Variants in MAGI3 observed in about 807,000 individuals in gnomAD.
MAGI3 encodes membrane associated guanylate kinase, WW and PDZ domain containing 3.
In MAGI3, 43 loss-of-function variants were observed where a neutral mutation model predicts 121.8. The observed-to-expected ratio is 0.35, with a 90% CI of 0.28 to 0.46. MAGI3 has a LOEUF of 0.46. Ranked by LOEUF, MAGI3 falls within the 20% of genes least tolerant of loss-of-function variation. The pLI, the probability that MAGI3 is intolerant of heterozygous loss-of-function variation, is 1.00. For missense variants in MAGI3, 1,547 were observed against 1,797.3 expected, an observed-to-expected ratio of 0.86 and a Z score of 2.52; for synonymous variants, 553 against 639.3, an observed-to-expected ratio of 0.86 and a Z score of 2.04.
intron 1 of MAGI3, among the ~76,000 whole-genome samples, chr1:113,424,815 A>G (rs1394725455): frequency 6.6e-6 from 1 of 152,022 alleles, no homozygotes; most frequent in African/African-American, 2.4e-5. Context: ...CTCTTTTTCT[A>G]TTTTCTAGAA....
intron 11 of MAGI3, among the ~76,000 whole-genome samples, chr1:113,644,938 A>G (rs1236876834): frequency 1.3e-5 from 2 of 152,108 alleles, no homozygotes; most frequent in Non-Finnish European, 2.9e-5. Flanking sequence ...ATATTAAATG[A>G]ATTAGTTCTT....
At chr1:113,634,488 G>C (rs1651874285) in intron 9 of MAGI3, among the ~76,000 whole-genome samples, 1 of 152,156 alleles carries the variant, frequency 6.6e-6, no homozygotes, top group East Asian at 1.9e-4. Flanking sequence ...TTATTACATA[G>C]GGAATCCTTT....
intron 4 of MAGI3, among the ~76,000 whole-genome samples, chr1:113,586,789 A>C (rs1364810755): frequency 1.3e-5 from 2 of 152,214 alleles, no homozygotes; most frequent in Non-Finnish European, 2.9e-5. Flanking sequence ...ATTTAAGGGA[A>C]AAGAAAATGT....
At chr1:113,484,043 G>C (rs1656235495) in intron 1 of MAGI3, among the ~76,000 whole-genome samples, 1 of 152,118 alleles carries the variant, frequency 6.6e-6, no homozygotes, top group Non-Finnish European at 1.5e-5. Flanking sequence ...TCGTTCATAT[G>C]CAAGTTTCTC....
At chr1:113,526,971 T>G (rs1658483378) in intron 1 of MAGI3, among the ~76,000 whole-genome samples, 1 of 152,158 alleles carries the variant, frequency 6.6e-6, no homozygotes, top group African/African-American at 2.4e-5. Flanking sequence ...TATGCCTCAT[T>G]CTCCCCATCT....
Position 113,658,282 on chromosome 1 carries a change from G to C in MAGI3, c.2630-798G>C, listed in dbSNP as rs1166473235. 2.6e-5 allele frequency among the ~76,000 whole-genome samples: 4 copies of C among 152,204 alleles called. No individual in the cohort carries two copies. Among genetic ancestry groups the C allele is most frequent in the Non-Finnish European group, 1.5e-5 (1 of 68,040 alleles). On this transcript the variant is annotated intron_variant, in intron 15 of 20. Coordinates refer to ENST00000307546, the MANE Select transcript of MAGI3 (RefSeq NM_001142782.2). The surrounding 1 kb of genome is among the most constrained non-coding windows in gnomAD (Gnocchi z 4.0). ...CTCATTTCAAGCTATAATAATAGCAGAGTATCTTAATAGTTAGTCCAGGAA... is the reference window on the plus strand; with the variant it reads ...CTCATTTCAAGCTATAATAATAGCACAGTATCTTAATAGTTAGTCCAGGAA...
chr1:113,576,180 C>G (rs112936545), intron 2 of MAGI3, among the ~76,000 whole-genome samples: 15,757 of 152,174 alleles, frequency 0.1, 1,027 homozygotes, highest in East Asian at 0.18. Context: ...GGCTTCAGCC[C>G]CCTTTGCAGG....
At chr1:113,458,052 C>T (rs547373990) in intron 1 of MAGI3, among the ~76,000 whole-genome samples, 1 of 152,244 alleles carries the variant, frequency 6.6e-6, no homozygotes, top group South Asian at 2.1e-4. Context: ...ACTTGTGGGC[C>T]ATAAGAAGGA....
intron 1 of MAGI3, among the ~76,000 whole-genome samples, chr1:113,524,789 G>T (rs957388489): frequency 1.3e-5 from 2 of 151,978 alleles, no homozygotes; most frequent in Admixed American, 1.3e-4. Context: ...GACATGATTG[G>T]TTTTGAAATG....
rs1277260108 is a variant in MAGI3, at chr1:113,465,307, G to A, written c.316+73958G>A. On this transcript the variant is annotated intron_variant, in intron 1 of 20. Coordinates refer to ENST00000307546, the MANE Select transcript of MAGI3 (RefSeq NM_001142782.2). ...TTGGTACCTTTGTCGAAGATGAGTT[G>A]GCTGTAAATGCTTGTATTTATATCT... is the stretch of plus-strand genomic sequence containing the variant. 2.0e-5 allele frequency among the ~76,000 whole-genome samples: 3 copies of A among 151,982 alleles called. No homozygotes were observed. In the East Asian group the frequency reaches 5.8e-4, roughly 29 times the overall value.
intron 2 of MAGI3, among the ~76,000 whole-genome samples, chr1:113,559,287 A>G (rs1472632742): frequency 1.3e-5 from 2 of 152,226 alleles, no homozygotes; most frequent in Non-Finnish European, 2.9e-5. Context: ...AGATCCATCA[A>G]TATACTGTCT....
chr1:113,476,340 C>G (rs1655818600), intron 1 of MAGI3, among the ~76,000 whole-genome samples: 1 of 152,170 alleles, frequency 6.6e-6, no homozygotes, highest in African/African-American at 2.4e-5. Flanking sequence ...ATCTTTCCTG[C>G]TTTCTCTTGT....
intron 6 of MAGI3, among the ~76,000 whole-genome samples, chr1:113,609,216 A>G (rs1000019495): frequency 2.0e-5 from 3 of 152,208 alleles, no homozygotes; most frequent in African/African-American, 7.2e-5. Flanking sequence ...TGTGATTCAT[A>G]TTAGTATTCT....
At chr1:113,504,094 A>G (rs979641917) in intron 1 of MAGI3, among the ~76,000 whole-genome samples, 1 of 152,080 alleles carries the variant, frequency 6.6e-6, no homozygotes, top group African/African-American at 2.4e-5. Context: ...TTAACAAAAT[A>G]CGGTTAAAGA....
chr1:113,427,740 G>A (rs1387535933), intron 1 of MAGI3, among the ~76,000 whole-genome samples: 1 of 152,186 alleles, frequency 6.6e-6, no homozygotes, highest in Non-Finnish European at 1.5e-5. Context: ...AGCTTGTCAG[G>A]ACTGAAAGTC....
At chr1:113,616,933 G>T (rs1650508616) in intron 7 of MAGI3, among the ~76,000 whole-genome samples, 1 of 144,330 alleles carries the variant, frequency 6.9e-6, no homozygotes, top group African/African-American at 2.6e-5. Flanking sequence ...GCCCAGGCTA[G>T]AGTGCAGCAG....
chr1:113,590,704 G>T (rs765926309), intron 5 of MAGI3, 46 bp downstream of exon 5: 1 of 1,516,376 alleles, frequency 6.6e-7, no homozygotes, highest in Non-Finnish European at 8.8e-7. Flanking sequence ...AACATGTTGA[G>T]GATTGTCTAA....
intron 1 of MAGI3, among the ~76,000 whole-genome samples, chr1:113,396,862 C>T (rs974522494): frequency 5.3e-5 from 8 of 152,144 alleles, no homozygotes; most frequent in South Asian, 4.1e-4. Context: ...TTGCCTTTTT[C>T]ACTTTTCTGC....
At position 113,475,861 on chromosome 1, in the gene MAGI3, C is replaced by CT. The variant is rs561292123; in HGVS notation, c.317-73647dup. Among the ~76,000 whole-genome samples the CT allele has an allele frequency of 5.5e-3, 837 of 152,200 alleles. 5 individuals are homozygous for CT. The highest frequency in any genetic ancestry group is 8.5e-3 in the Non-Finnish European group (575 of 67,990). Reference sequence around the variant, plus strand: ...GGCTGTGAATCCCTCTGATTCTGGACTTTTTTTGGTTGGTAGGCTATTAAT... The same window carrying CT: ...GGCTGTGAATCCCTCTGATTCTGGACTTTTTTTTGGTTGGTAGGCTATTAAT... On this transcript the variant is annotated intron_variant, in intron 1 of 20. Transcript: ENST00000307546.
Sources: allele counts gnomAD v4.1 joint callset (sites outside exome capture counted in the v4.1 genomes callset), GRCh38; gene constraint gnomAD v4.1.1; non-coding constraint Gnocchi (gnomAD v3.1); transcripts MANE v1.5; gene names NCBI Gene and HGNC (gene_info 2026-07-23, HGNC 2026-07-21).